Variants in RIN2 observed in about 807,000 individuals in gnomAD.
RIN2 encodes the protein Ras and Rab interactor 2.
RIN2 carries 36 observed loss-of-function variants against 78.0 expected under a neutral mutation model. That is an observed-to-expected ratio of 0.46 (90% CI 0.35 to 0.61). The LOEUF is 0.61. RIN2 is among the 20% of genes least tolerant of loss of function. The probability of loss-of-function intolerance (pLI) is 0.00; values close to 1 mark genes in which losing one functional copy is unlikely to be tolerated. For synonymous variants in RIN2, 466 were observed against 466.8 expected, an observed-to-expected ratio of 1.00 and a Z score of 0.02; for missense variants, 1,087 against 1,159.7, an observed-to-expected ratio of 0.94 and a Z score of 0.91.
At chr20:19,999,249 C>G (rs888569831) in intron 12 of RIN2, among the ~76,000 whole-genome samples, 1 of 152,024 alleles carries the variant, frequency 6.6e-6, no homozygotes, top group Non-Finnish European at 1.5e-5. Context: ...CTGCACTAGT[C>G]AAACAGGGAT....
intron 3 of RIN2, among the ~76,000 whole-genome samples, chr20:19,905,620 G>T (rs890830441): frequency 6.6e-6 from 1 of 152,156 alleles, no homozygotes; most frequent in Non-Finnish European, 1.5e-5. Context: ...GGTAGCGTGT[G>T]CCTGTAGTCC....
intron 3 of RIN2, among the ~76,000 whole-genome samples, chr20:19,923,035 A>G (rs1378148651): frequency 2.0e-5 from 3 of 152,218 alleles, no homozygotes; most frequent in Admixed American, 6.5e-5. Context: ...AAGGGGTCAG[A>G]TTATTTACTC....
In RIN2 at chr20:19,958,224, C is replaced by T. The variant is rs138780650; in HGVS notation, c.351+1417C>T. Among the ~76,000 whole-genome samples, 160 of 152,360 alleles carry T rather than the reference C, an allele frequency of 1.1e-3. 1 individual carries two copies. Among genetic ancestry groups the T allele is most frequent in the African/African-American group, 3.6e-3 (151 of 41,590 alleles). ...AAGGCACGGTGCTTTCTCATCTTTGCAGAGAATCCCTTGGCCATAACACAG... is the reference window on the plus strand; with the variant it reads ...AAGGCACGGTGCTTTCTCATCTTTGTAGAGAATCCCTTGGCCATAACACAG... On this transcript the variant is annotated intron_variant, in intron 5 of 12. Coordinates refer to ENST00000255006, the MANE Select transcript of RIN2 (RefSeq NM_018993.4).
intron 2 of RIN2, among the ~76,000 whole-genome samples, chr20:19,835,445 C>T (rs534427394): frequency 1.2e-4 from 19 of 152,230 alleles, no homozygotes; most frequent in African/African-American, 4.3e-4. Context: ...TCTTCAATAA[C>T]AATCATTATA....
At chr20:19,956,431 G>A (rs1352476181) in intron 4 of RIN2, among the ~76,000 whole-genome samples, 184 bp from the exon 5 acceptor site, 6 of 151,982 alleles carry the variant, frequency 3.9e-5, no homozygotes, top group Admixed American at 3.9e-4. Flanking sequence ...GAGATAGAGG[G>A]TAAAATAAAA....
intron 1 of RIN2, among the ~76,000 whole-genome samples, chr20:19,788,432 C>CAAAAAAAAAAAAAAAACAAAAA (rs1316215614): frequency 1.9e-5 from 1 of 53,740 alleles, no homozygotes; most frequent in African/African-American, 1.1e-4. Context: ...CTGTCTCTGC[C>CAAAAAAAAAAAAAAAACAAAAA]AAAAAAAAAA....
At chr20:19,767,721 TCGAGACCAGC>T (rs1391282843) in intron 1 of RIN2, among the ~76,000 whole-genome samples, 2 of 151,926 alleles carry the variant, frequency 1.3e-5, no homozygotes, top group Non-Finnish European at 2.9e-5. Context: ...GGTCAGGAGT[TCGAGACCAGC>T]CTGGCCAACA....
At chr20:19,863,233 A>G (rs1889768179) in intron 2 of RIN2, among the ~76,000 whole-genome samples, 1 of 152,196 alleles carries the variant, frequency 6.6e-6, no homozygotes, top group East Asian at 1.9e-4. Flanking sequence ...TGTTGACTTT[A>G]GGAACATTAT....
At chr20:19,942,015 C>T (rs1222679120) in intron 4 of RIN2, among the ~76,000 whole-genome samples, 1 of 149,684 alleles carries the variant, frequency 6.7e-6, no homozygotes, top group Non-Finnish European at 1.5e-5. Flanking sequence ...CAGGATGAGG[C>T]AAGAGAATTG....
At chr20:19,803,964 G>A (rs1184360839) in intron 2 of RIN2, among the ~76,000 whole-genome samples, 1 of 152,170 alleles carries the variant, frequency 6.6e-6, no homozygotes, top group African/African-American at 2.4e-5. Flanking sequence ...TAGCAATTGT[G>A]AATGGGAGTT....
intron 9 of RIN2, among the ~76,000 whole-genome samples, chr20:19,978,678 T>A (rs6035497): frequency 0.06 from 9,123 of 152,236 alleles, 894 homozygotes; most frequent in African/African-American, 0.21. Flanking sequence ...TGAATACATG[T>A]TCATTGCCTG....
At chr20:19,989,981 A>T (rs749510505) in intron 9 of RIN2, 25 bp from the exon 10 acceptor site, 3 of 1,509,462 alleles carry the variant, frequency 2.0e-6, no homozygotes, top group Non-Finnish European at 2.7e-6. Flanking sequence ...GACAATAGTC[A>T]TAGTAGCTAC....
chr20:19,883,245 GC>G (rs1293800342), intron 2 of RIN2, among the ~76,000 whole-genome samples: 1 of 152,190 alleles, frequency 6.6e-6, no homozygotes, highest in East Asian at 1.9e-4. Context: ...GAAGAGGGAT[GC>G]CTCAGGAGGC....
At chr20:19,861,463 C>G (rs932151604) in intron 2 of RIN2, among the ~76,000 whole-genome samples, 2 of 152,156 alleles carry the variant, frequency 1.3e-5, no homozygotes, top group Non-Finnish European at 2.9e-5. Flanking sequence ...ACAAAGAACC[C>G]TGCTAAGTAG....
chr20:19,811,364 C>T (rs1196091426), intron 2 of RIN2, among the ~76,000 whole-genome samples: 1 of 152,180 alleles, frequency 6.6e-6, no homozygotes, highest in Non-Finnish European at 1.5e-5. Flanking sequence ...TTATCCACAA[C>T]TTCCTTCCAT....
intron 3 of RIN2, among the ~76,000 whole-genome samples, chr20:19,897,643 C>T (rs960861452): frequency 5.9e-5 from 9 of 152,042 alleles, no homozygotes; most frequent in African/African-American, 2.2e-4. Context: ...CCTTTTCCAG[C>T]TCCCTCTCCC....
chr20:19,949,338 C>T (rs1291557626), intron 4 of RIN2, among the ~76,000 whole-genome samples: 1 of 152,172 alleles, frequency 6.6e-6, no homozygotes, highest in Non-Finnish European at 1.5e-5. Flanking sequence ...GTTTTACACA[C>T]ATAGAGGAGG....
rs182183186 is a variant in RIN2, at chr20:19,891,727, G to A, written c.57+2069G>A. Among the ~76,000 whole-genome samples, 561 of 141,940 alleles carry A rather than the reference G, an allele frequency of 4.0e-3. 2 individuals carry two copies. Among genetic ancestry groups the A allele is most frequent in the African/African-American group, 0.014 (512 of 37,018 alleles). The allele number at this position is 141,940 out of a possible 152,430, so 93.1% of individuals were successfully genotyped here. ...CCAGCTACTTAGGAGGCTGAAGCAG[G>A]AGAATCGTTTGAACCTGGGAGGTGG... On this transcript the variant is annotated intron_variant, in intron 3 of 12. Coordinates refer to ENST00000255006, the MANE Select transcript of RIN2 (RefSeq NM_018993.4).
chr20:19,931,311 A>T (rs1371347301), intron 3 of RIN2, among the ~76,000 whole-genome samples: 2 of 126,262 alleles, frequency 1.6e-5, no homozygotes, highest in Non-Finnish European at 1.7e-5. Context: ...TTTTATTTTT[A>T]AAAAAACTTT....
Sources: allele counts gnomAD v4.1 joint callset (sites outside exome capture counted in the v4.1 genomes callset), GRCh38; gene constraint gnomAD v4.1.1; transcripts MANE v1.5; gene names NCBI Gene and HGNC (gene_info 2026-07-23, HGNC 2026-07-21).